PRKG1: variants seen among roughly 807,000 people sequenced by gnomAD.
PRKG1 encodes the protein cGMP-dependent protein kinase 1.
Under a neutral mutation model 88.1 loss-of-function variants are expected in PRKG1, and 35 were observed. The observed-to-expected ratio is 0.40, with a 90% CI of 0.30 to 0.53. The LOEUF is 0.53. Among genes scored for constraint, PRKG1 ranks in the 20% least tolerant of loss-of-function variants. The probability of loss-of-function intolerance (pLI) is 0.59; values close to 1 mark genes in which losing one functional copy is unlikely to be tolerated. For synonymous variants in PRKG1, 303 were observed against 292.5 expected (o/e 1.04, Z -0.37); for missense variants, 540 against 839.8 (o/e 0.64, Z 4.41).
At chr10:51,125,254 A>G (rs965642697) in intron 1 of PRKG1, among the ~76,000 whole-genome samples, 3 of 152,100 alleles carry the variant, frequency 2.0e-5, no homozygotes, top group Non-Finnish European at 4.4e-5. Context: ...AGCCTGGAAA[A>G]TAGAGGTGGC....
chr10:51,942,209 T>A (rs1375360671), intron 5 of PRKG1, among the ~76,000 whole-genome samples: 1 of 152,076 alleles, frequency 6.6e-6, no homozygotes, highest in East Asian at 1.9e-4. Flanking sequence ...CCAGTGATGA[T>A]GAGCATTTTT....
intron 5 of PRKG1, among the ~76,000 whole-genome samples, chr10:52,040,839 T>TC (rs1845738380): frequency 7.0e-6 from 1 of 142,962 alleles, no homozygotes; most frequent in African/African-American, 2.6e-5. Flanking sequence ...TTTCTTTTTT[T>TC]TTTTTTTTTT....
At chr10:51,587,459 G>A (rs752567103) in intron 3 of PRKG1, among the ~76,000 whole-genome samples, 5 of 152,116 alleles carry the variant, frequency 3.3e-5, no homozygotes, top group Admixed American at 2.6e-4. Flanking sequence ...TCCATAGAGA[G>A]TCTATGTTTT....
intron 1 of PRKG1, among the ~76,000 whole-genome samples, chr10:51,145,594 T>C (rs1845924613): frequency 6.6e-6 from 1 of 152,210 alleles, no homozygotes; most frequent in Admixed American, 6.5e-5. Flanking sequence ...AACTGCTCTA[T>C]TTTTAGTTAG....
intron 9 of PRKG1, among the ~76,000 whole-genome samples, chr10:52,226,795 G>GAA (rs140809161): frequency 2.0e-5 from 3 of 150,600 alleles, no homozygotes; most frequent in African/African-American, 7.3e-5. Flanking sequence ...AAAATCCATG[G>GAA]AAAAAAAAAT....
intron 4 of PRKG1, among the ~76,000 whole-genome samples, chr10:51,836,560 G>A (rs1840135316): frequency 6.6e-6 from 1 of 152,004 alleles, no homozygotes; most frequent in African/African-American, 2.4e-5. Context: ...TTACGTTTAA[G>A]TCTATTGTTT....
intron 3 of PRKG1, among the ~76,000 whole-genome samples, chr10:51,494,148 A>G (rs1840786398): frequency 6.6e-6 from 1 of 152,060 alleles, no homozygotes; most frequent in Non-Finnish European, 1.5e-5. Flanking sequence ...GCACCCTTGA[A>G]CTGGGCTCAA....
At chr10:52,033,889 A>G (rs984801679) in intron 5 of PRKG1, among the ~76,000 whole-genome samples, 5 of 151,696 alleles carry the variant, frequency 3.3e-5, no homozygotes, top group Admixed American at 1.3e-4. Flanking sequence ...GGGCCGTTTT[A>G]TAGGATTTGG....
chr10:51,608,182 A>T (rs746527818), intron 3 of PRKG1, among the ~76,000 whole-genome samples: 1 of 152,200 alleles, frequency 6.6e-6, no homozygotes. Context: ...GACTGCATAT[A>T]CTATAACCGT....
intron 4 of PRKG1, among the ~76,000 whole-genome samples, chr10:51,868,861 A>T (rs560917708): frequency 6.6e-6 from 1 of 152,312 alleles, no homozygotes; most frequent in East Asian, 1.9e-4. Flanking sequence ...TCAAGGATAA[A>T]CTAGACTTTT....
Position 51,732,047 on chromosome 10 carries a change from C to CTTCG in PRKG1, c.593-72535_593-72534insGTTC, listed in dbSNP as rs1468767140. Among the ~76,000 whole-genome samples, 88 of 142,294 alleles carry CTTCG rather than the reference C, an allele frequency of 6.2e-4. 1 individual carries two copies. The highest frequency in any genetic ancestry group is 2.1e-3 in the African/African-American group (83 of 39,072). 93.4% of individuals were successfully genotyped at this position (142,294 alleles called of 152,430 possible). On this transcript the variant is annotated intron_variant, in intron 3 of 17. Transcript: ENST00000373980. ...CCTTCCTTCCTTCTTTCCTTCCTTC[C>CTTCG]TTCCTTCCCTCCTTCCCTTTTGTTT...
At chr10:51,439,379 C>A (rs968973286) in intron 2 of PRKG1, among the ~76,000 whole-genome samples, 9 of 151,814 alleles carry the variant, frequency 5.9e-5, no homozygotes, top group African/African-American at 1.7e-4. Flanking sequence ...TTAAACTCTG[C>A]CTCACTGTAG....
At chr10:51,234,413 A>G (rs796203679) in intron 2 of PRKG1, among the ~76,000 whole-genome samples, 4 of 152,334 alleles carry the variant, frequency 2.6e-5, no homozygotes, top group African/African-American at 7.2e-5. Flanking sequence ...TCACAAAGAT[A>G]TCTACCTCCC....
At chr10:51,648,338 T>C (rs1839962910) in intron 3 of PRKG1, among the ~76,000 whole-genome samples, 1 of 152,180 alleles carries the variant, frequency 6.6e-6, no homozygotes, top group Non-Finnish European at 1.5e-5. Flanking sequence ...AACAGAATTA[T>C]TTTGAACAGA....
intron 1 of PRKG1, among the ~76,000 whole-genome samples, chr10:51,008,999 C>T (rs1327954265): frequency 3.9e-5 from 6 of 152,158 alleles, no homozygotes; most frequent in African/African-American, 1.4e-4. Flanking sequence ...AAATGTCACA[C>T]ATCTCTGATG....
chr10:51,962,192 G>A (rs762488131), intron 5 of PRKG1, among the ~76,000 whole-genome samples: 5 of 152,132 alleles, frequency 3.3e-5, no homozygotes, highest in Non-Finnish European at 7.4e-5. Context: ...CTAGCACCAA[G>A]GATGGGTAGG....
intron 9 of PRKG1, among the ~76,000 whole-genome samples, chr10:52,214,427 A>G (rs1840059551): frequency 6.6e-6 from 1 of 152,194 alleles, no homozygotes; most frequent in African/African-American, 2.4e-5. Flanking sequence ...AGTGACATCT[A>G]AGGAATCATC....
chr10:51,348,331 C>T (rs562225838), intron 2 of PRKG1, among the ~76,000 whole-genome samples: 72 of 152,106 alleles, frequency 4.7e-4, no homozygotes, highest in Non-Finnish European at 5.9e-4. Context: ...TCTGTTAGCC[C>T]GTCAGTGGAA....
chr10:51,019,345 T>C (rs151272721), intron 1 of PRKG1, among the ~76,000 whole-genome samples: 65 of 152,272 alleles, frequency 4.3e-4, no homozygotes, highest in African/African-American at 1.5e-3. Flanking sequence ...ATAAATAAGA[T>C]GTATGATCAG....
Sources: gnomAD v4.1 joint callset for allele counts (sites outside exome capture counted in the v4.1 genomes callset) on GRCh38, gnomAD v4.1.1 for gene constraint, MANE v1.5 for transcripts, NCBI Gene and HGNC (gene_info 2026-07-23, HGNC 2026-07-21) for gene names.